Variants in GSK3B observed in about 807,000 individuals in gnomAD.
The protein encoded by GSK3B is glycogen synthase kinase 3 beta.
GSK3B carries 15 observed loss-of-function variants against 56.4 expected under a neutral mutation model. That is an observed-to-expected ratio of 0.27 (90% CI 0.18 to 0.41). The LOEUF (loss-of-function observed/expected upper bound fraction) is 0.41. Among genes scored for constraint, GSK3B ranks in the 10% least tolerant of loss-of-function variants. The probability of loss-of-function intolerance (pLI) is 1.00; values close to 1 mark genes in which losing one functional copy is unlikely to be tolerated. For synonymous variants in GSK3B, 181 were observed against 188.9 expected, an observed-to-expected ratio of 0.96 and a Z score of 0.34; for missense variants, 300 against 513.4, an observed-to-expected ratio of 0.58 and a Z score of 4.02.
chr3:120,010,844 G>A (rs1242016378), intron 1 of GSK3B, among the ~76,000 whole-genome samples: 1 of 152,222 alleles, frequency 6.6e-6, no homozygotes, highest in Non-Finnish European at 1.5e-5. Context: ...AAGGTGGGCG[G>A]ATCACTCAAG....
At chr3:120,066,916 C>T (rs577216358) in intron 1 of GSK3B, among the ~76,000 whole-genome samples, 1 of 152,162 alleles carries the variant, frequency 6.6e-6, no homozygotes, top group African/African-American at 2.4e-5. Context: ...TCTAGACCAG[C>T]GGTGTCTATT....
chr3:119,937,034 A>C (rs551987093), intron 3 of GSK3B, among the ~76,000 whole-genome samples: 3 of 152,118 alleles, frequency 2.0e-5, no homozygotes, highest in Non-Finnish European at 4.4e-5. Flanking sequence ...ATCATATGAA[A>C]TATCTTTTCT....
chr3:119,943,215 T>C (rs148613655), intron 3 of GSK3B, among the ~76,000 whole-genome samples: 237 of 152,340 alleles, frequency 1.6e-3, no homozygotes, highest in Middle Eastern at 3.4e-3. Context: ...CAATGAAATG[T>C]AAAACATGCC....
chr3:120,088,075 G>A (rs1402712270), intron 1 of GSK3B, among the ~76,000 whole-genome samples: 1 of 152,116 alleles, frequency 6.6e-6, no homozygotes, highest in Non-Finnish European at 1.5e-5. Context: ...TGTATTTTTA[G>A]TAGAGACGGG....
chr3:119,872,938 A>G (rs2056266671), intron 8 of GSK3B, among the ~76,000 whole-genome samples: 3 of 152,074 alleles, frequency 2.0e-5, no homozygotes, highest in African/African-American at 7.2e-5. Flanking sequence ...TCTTCCAACC[A>G]ATCTCTGTCT....
At chr3:120,066,158 C>A (rs2058276880) in intron 1 of GSK3B, among the ~76,000 whole-genome samples, 2 of 152,020 alleles carry the variant, frequency 1.3e-5, no homozygotes, top group Admixed American at 6.6e-5. Context: ...ACAACCACAC[C>A]CTAGCTCTGT....
chr3:119,892,100 G>A (rs2056509272), intron 7 of GSK3B, among the ~76,000 whole-genome samples: 1 of 152,126 alleles, frequency 6.6e-6, no homozygotes, highest in African/African-American at 2.4e-5. Context: ...CTTCCACAAC[G>A]TTGTTTATTT....
intron 10 of GSK3B, among the ~76,000 whole-genome samples, chr3:119,832,512 G>A (rs1462841573): frequency 2.6e-5 from 4 of 152,208 alleles, no homozygotes; most frequent in East Asian, 3.8e-4. Context: ...TGTATATGTC[G>A]AAGAACTTAA....
At chr3:119,982,386 C>T (rs867088547) in intron 2 of GSK3B, among the ~76,000 whole-genome samples, 1 of 152,272 alleles carries the variant, frequency 6.6e-6, no homozygotes, top group Middle Eastern at 3.4e-3. Context: ...CAGAAGTAGG[C>T]TTCATAAGGT....
At position 120,080,916 on chromosome 3, in the gene GSK3B, T is replaced by A. The variant is rs184044888; in HGVS notation, c.88+12431A>T. 5.3e-5 allele frequency among the ~76,000 whole-genome samples: 8 copies of A among 152,274 alleles called. No homozygotes were observed. The East Asian group carries it at 1.5e-3, about 29-fold the overall frequency. On this transcript the variant is annotated intron_variant, in intron 1 of 10. Coordinates refer to ENST00000264235, the MANE Select transcript of GSK3B (RefSeq NM_001146156.2). ...AGTACATCCATGATGAAAAGACTTCTCATATTTAAATACTGTCTGTTTACT... is the reference window on the plus strand; with the variant it reads ...AGTACATCCATGATGAAAAGACTTCACATATTTAAATACTGTCTGTTTACT...
At chr3:119,867,851 C>T (rs941745376) in intron 8 of GSK3B, among the ~76,000 whole-genome samples, 1 of 151,978 alleles carries the variant, frequency 6.6e-6, no homozygotes, top group African/African-American at 2.4e-5. Flanking sequence ...AAATTTAGTA[C>T]ACAGATTAAA....
chr3:120,006,557 A>C (rs2057729874), intron 1 of GSK3B, among the ~76,000 whole-genome samples: 1 of 152,192 alleles, frequency 6.6e-6, no homozygotes. Flanking sequence ...AAATCACAAC[A>C]AACTGTCTCT....
intron 1 of GSK3B, among the ~76,000 whole-genome samples, chr3:120,079,715 A>C (rs2058401397): frequency 6.6e-6 from 1 of 152,162 alleles, no homozygotes; most frequent in African/African-American, 2.4e-5. Context: ...TATTTTTTAA[A>C]GGCCTCAGAG....
intron 2 of GSK3B, among the ~76,000 whole-genome samples, chr3:119,963,072 A>G (rs774061983): frequency 2.3e-4 from 35 of 152,302 alleles, no homozygotes; most frequent in Non-Finnish European, 4.4e-4. Flanking sequence ...CTATCCAAAA[A>G]AAAGTTTAAG....
At chr3:119,837,321 A>ATTT (rs58821918) in intron 10 of GSK3B, among the ~76,000 whole-genome samples, 13 of 130,258 alleles carry the variant, frequency 1.0e-4, no homozygotes, top group Admixed American at 7.8e-4. Context: ...CGCCCGGCTA[A>ATTT]TTTTTTTTTT....
chr3:119,826,917 G>C (rs376262822), intron 10 of GSK3B, 62 bp from the exon 11 acceptor site: 13 of 1,020,196 alleles, frequency 1.3e-5, no homozygotes, highest in Admixed American at 1.1e-4. Context: ...AAGAGAACAA[G>C]TACACTGTTT....
At chr3:119,863,726 A>T (rs2056140032) in intron 8 of GSK3B, 121 bp from the exon 9 acceptor site, 1 of 634,548 alleles carries the variant, frequency 1.6e-6, no homozygotes, top group South Asian at 2.1e-5. Context: ...TTGGGAAAGG[A>T]CCTTCTAGAA....
chr3:119,962,184 T>C (rs917320915), intron 2 of GSK3B, among the ~76,000 whole-genome samples: 1 of 152,102 alleles, frequency 6.6e-6, no homozygotes, highest in African/African-American at 2.4e-5. Flanking sequence ...GAGACCAGCC[T>C]GACCAACATG....
At chr3:119,876,299 A>G in intron 8 of GSK3B, 114 bp downstream of exon 8, 3 of 658,616 alleles carry the variant, frequency 4.6e-6, no homozygotes, top group Non-Finnish European at 8.2e-6. Flanking sequence ...CTATCTTTAC[A>G]TGCAGAACTG....
Sources: gnomAD v4.1 joint callset for allele counts (sites outside exome capture counted in the v4.1 genomes callset) on GRCh38, gnomAD v4.1.1 for gene constraint, MANE v1.5 for transcripts, NCBI Gene and HGNC (gene_info 2026-07-23, HGNC 2026-07-21) for gene names.